CENPW: variants seen among roughly 807,000 people sequenced by gnomAD.
CENPW encodes the protein cancer-up-regulated gene 2 protein.
In CENPW, 3 loss-of-function variants were observed where a neutral mutation model predicts 11.1. That is an observed-to-expected ratio of 0.27 (90% CI 0.12 to 0.70). The LOEUF is 0.70. Ranked by LOEUF, CENPW falls within the 30% of genes least tolerant of loss-of-function variation. The probability of loss-of-function intolerance (pLI) is 0.77; values close to 1 mark genes in which losing one functional copy is unlikely to be tolerated. For missense variants in CENPW, 100 were observed against 105.6 expected, an observed-to-expected ratio of 0.95 and a Z score of 0.23; for synonymous variants, 38 against 42.0, an observed-to-expected ratio of 0.91 and a Z score of 0.37.
chr6:126,423,791 T>C, the CENPW span, among the ~76,000 whole-genome samples: 1 of 151,990 alleles, frequency 6.6e-6, no homozygotes, highest in Admixed American at 6.6e-5. Context: ...TTGTTACTTT[T>C]TTTTTTCAAT....
the CENPW span, among the ~76,000 whole-genome samples, chr6:126,406,784 G>A: frequency 0.44 from 66,048 of 151,320 alleles, 16,528 homozygotes; most frequent in East Asian, 0.97. Flanking sequence ...CCCGGGAGGC[G>A]GAGGTTGCAG....
At chr6:126,372,213 T>C in the CENPW span, among the ~76,000 whole-genome samples, 1 of 152,138 alleles carries the variant, frequency 6.6e-6, no homozygotes, top group African/African-American at 2.4e-5. Flanking sequence ...ATACTGTTTC[T>C]TTCTCAGACT....
the CENPW span, among the ~76,000 whole-genome samples, chr6:126,430,591 G>C: frequency 2.0e-5 from 3 of 152,098 alleles, no homozygotes; most frequent in South Asian, 2.1e-4. Flanking sequence ...TCACTGCTTT[G>C]GGAAGAGTCT....
intron 2 of CENPW, 56 bp downstream of exon 2, chr6:126,346,374 G>T (rs1277184795): frequency 1.7e-5 from 17 of 998,700 alleles, no homozygotes; most frequent in Non-Finnish European, 2.5e-5. Flanking sequence ...ATAACACTCG[G>T]TTCATCACCT....
the CENPW span, among the ~76,000 whole-genome samples, chr6:126,376,941 G>C: frequency 1.3e-5 from 2 of 152,088 alleles, no homozygotes. Context: ...ACTCTGAGAT[G>C]AATTCATCCT....
the CENPW span, among the ~76,000 whole-genome samples, chr6:126,411,536 G>A: frequency 1.5e-4 from 23 of 152,090 alleles, no homozygotes; most frequent in Non-Finnish European, 1.5e-4. Context: ...GGGCCTTATC[G>A]TGCAAGTTCA....
chr6:126,435,142 A>G, the CENPW span, among the ~76,000 whole-genome samples: 2 of 151,996 alleles, frequency 1.3e-5, no homozygotes, highest in African/African-American at 2.4e-5. Context: ...GACAGTAGGT[A>G]AAGCATCCAC....
At chr6:126,434,331 T>C in the CENPW span, among the ~76,000 whole-genome samples, 2 of 152,106 alleles carry the variant, frequency 1.3e-5, no homozygotes, top group African/African-American at 4.8e-5. Context: ...ACTTTCAGTC[T>C]TCTAAGGAAA....
chr6:126,412,152 G>A, the CENPW span, among the ~76,000 whole-genome samples: 1 of 109,160 alleles, frequency 9.2e-6, no homozygotes, highest in African/African-American at 3.4e-5. Context: ...ATGCCTGGTT[G>A]AGTTTTTAAA....
the CENPW span, among the ~76,000 whole-genome samples, chr6:126,417,955 T>C: frequency 6.6e-6 from 1 of 152,188 alleles, no homozygotes; most frequent in Admixed American, 6.5e-5. Context: ...GCAAAGGACA[T>C]TTCTCTAAAG....
At chr6:126,468,155 C>T in the CENPW span, among the ~76,000 whole-genome samples, 1 of 152,076 alleles carries the variant, frequency 6.6e-6, no homozygotes, top group Non-Finnish European at 1.5e-5. Context: ...TGCTCTGGCT[C>T]ATGCCTGTAA....
the CENPW span, among the ~76,000 whole-genome samples, chr6:126,467,846 T>A: frequency 3.3e-5 from 5 of 152,142 alleles, no homozygotes; most frequent in African/African-American, 4.8e-5. Flanking sequence ...CAACTATTGA[T>A]CAAAATCAAC....
intron 2 of CENPW, 140 bp from the exon 3 acceptor site, chr6:126,348,326 G>A (rs1171389421): frequency 1.8e-6 from 1 of 563,766 alleles, no homozygotes; most frequent in African/African-American, 2.0e-5. Flanking sequence ...CACCTGGAAG[G>A]TGATTTCCAA....
the CENPW span, among the ~76,000 whole-genome samples, chr6:126,370,644 C>T: frequency 6.6e-6 from 1 of 152,120 alleles, no homozygotes; most frequent in Admixed American, 6.5e-5. Context: ...TTTCATTGAG[C>T]AGTTCTAGGA....
chr6:126,378,956 GA>G, the CENPW span, among the ~76,000 whole-genome samples: 1 of 152,094 alleles, frequency 6.6e-6, no homozygotes, highest in African/African-American at 2.4e-5. Flanking sequence ...TTGCATATAG[GA>G]AAAATATTAC....
chr6:126,377,650 G>T, the CENPW span, among the ~76,000 whole-genome samples: 9 of 152,014 alleles, frequency 5.9e-5, no homozygotes, highest in Admixed American at 3.9e-4. Flanking sequence ...AGACTTTTAA[G>T]AAATATATTT....
chr6:126,354,797 T>C, the CENPW span, among the ~76,000 whole-genome samples: 2 of 152,128 alleles, frequency 1.3e-5, no homozygotes, highest in African/African-American at 4.8e-5. Context: ...GTATATTATC[T>C]AGCTTTTTTA....
the CENPW span, among the ~76,000 whole-genome samples, chr6:126,460,347 A>G: frequency 6.6e-6 from 1 of 151,774 alleles, no homozygotes; most frequent in East Asian, 1.9e-4. Flanking sequence ...TCTCAATTTG[A>G]TACTCAAATT....
At chr6:126,434,908 G>A in the CENPW span, among the ~76,000 whole-genome samples, 1 of 151,960 alleles carries the variant, frequency 6.6e-6, no homozygotes, top group African/African-American at 2.4e-5. Context: ...CATTCAATAT[G>A]AATTGCTGTC....
Sources: gnomAD v4.1 joint callset for allele counts (sites outside exome capture counted in the v4.1 genomes callset) on GRCh38, gnomAD v4.1.1 for gene constraint, MANE v1.5 for transcripts, NCBI Gene and HGNC (gene_info 2026-07-23, HGNC 2026-07-21) for gene names.